MIGA1: variants seen among roughly 807,000 people sequenced by gnomAD.
MIGA1 encodes the protein mitoguardin 1.
MIGA1 carries 58 observed loss-of-function variants against 82.0 expected under a neutral mutation model. The ratio of observed to expected loss-of-function variants is 0.71; its 90% CI spans 0.57 to 0.88. MIGA1 has a LOEUF of 0.88. Among genes scored for constraint, MIGA1 ranks in the 40% least tolerant of loss-of-function variants. The pLI is 0.00. For missense variants in MIGA1, 751 were observed against 749.1 expected, an observed-to-expected ratio of 1.00 and a Z score of -0.03; for synonymous variants, 249 against 253.6, an observed-to-expected ratio of 0.98 and a Z score of 0.17.
intron 4 of MIGA1, among the ~76,000 whole-genome samples, chr1:77,805,237 C>G (rs1302750921): frequency 6.6e-6 from 1 of 151,494 alleles, no homozygotes; most frequent in Non-Finnish European, 1.5e-5. Flanking sequence ...CCTCGTGATT[C>G]ACCTGCCTCA....
intron 7 of MIGA1, among the ~76,000 whole-genome samples, chr1:77,824,462 G>T (rs1280241986): frequency 6.6e-6 from 1 of 152,180 alleles, no homozygotes. Context: ...GGAGGCTGAG[G>T]CAGGAGAATC....
intron 4 of MIGA1, among the ~76,000 whole-genome samples, chr1:77,806,618 A>G (rs763226961): frequency 3.2e-4 from 48 of 152,230 alleles, no homozygotes; most frequent in Non-Finnish European, 6.6e-4. Flanking sequence ...CAGCATTGTA[A>G]AACATTCTAA....
Position 77,863,992 on chromosome 1 carries a change from A to C in MIGA1, c.1473A>C (p.Val491=). The C allele has an allele frequency of 2.5e-6, 4 of 1,608,148 alleles. No homozygotes were observed. The highest frequency in any genetic ancestry group is 3.4e-6 in the Non-Finnish European group (4 of 1,178,770). ...CACCCACATCCATACAGAATGTAGT[A>C]AATAATCGATGGCTAAACTCATCCT... The change falls in exon 13 of 16, where the codon GTA becomes GTC. Residue 491 remains valine, a synonymous_variant. Coordinates refer to ENST00000370791, the MANE Select transcript of MIGA1 (RefSeq NM_198549.4).
chr1:77,788,482 C>T (rs1469312226), intron 2 of MIGA1, among the ~76,000 whole-genome samples: 5 of 152,144 alleles, frequency 3.3e-5, no homozygotes, highest in Non-Finnish European at 5.9e-5. Context: ...TTTTGATGCA[C>T]AAAATTTTAA....
chr1:77,779,820 C>G (rs1371080559), intron 1 of MIGA1, 84 bp downstream of exon 1: 5 of 1,464,186 alleles, frequency 3.4e-6, no homozygotes, highest in Non-Finnish European at 4.5e-6. Context: ...GGGCAGAGGC[C>G]TCGGGGCAGG....
intron 12 of MIGA1, among the ~76,000 whole-genome samples, chr1:77,863,404 A>T (rs1290470058): frequency 6.6e-6 from 1 of 152,224 alleles, no homozygotes; most frequent in Non-Finnish European, 1.5e-5. Flanking sequence ...TGTGCTTCAC[A>T]CAGTTCATAA....
intron 2 of MIGA1, among the ~76,000 whole-genome samples, chr1:77,785,909 G>A (rs1682140859): frequency 6.6e-6 from 1 of 152,204 alleles, no homozygotes; most frequent in African/African-American, 2.4e-5. Context: ...GCACTAGGCG[G>A]TGCCCCAGTA....
At position 77,875,342 on chromosome 1, in the gene MIGA1, T is replaced by C. The variant is rs1270779630; in HGVS notation, c.*278T>C. 6 of 306,576 alleles carry C rather than the reference T, an allele frequency of 2.0e-5. No homozygotes were observed. Among genetic ancestry groups the C allele is most frequent in the Admixed American group, 4.7e-5 (1 of 21,316 alleles). 19.0% of individuals were successfully genotyped at this position (306,576 alleles called of 1,614,324 possible). A position where few individuals can be genotyped will look rare whatever the true frequency, so the allele number is the denominator to read the frequency against. ...GAAATATCGCTTGAATTGAAGCCAATATTTGGGAGTTAATTGGTTTGTCTT... is the reference window on the plus strand; with the variant it reads ...GAAATATCGCTTGAATTGAAGCCAACATTTGGGAGTTAATTGGTTTGTCTT... On this transcript the variant is annotated 3_prime_UTR_variant, in exon 16 of 16. Transcript: ENST00000370791.
chr1:77,863,367 T>C (rs554277844), intron 12 of MIGA1, among the ~76,000 whole-genome samples: 1 of 152,342 alleles, frequency 6.6e-6, no homozygotes, highest in South Asian at 2.1e-4. Context: ...GCCAAAATGA[T>C]ACAGCACACT....
intron 15 of MIGA1, 120 bp downstream of exon 15, chr1:77,873,240 A>C: frequency 1.0e-6 from 1 of 1,001,538 alleles, no homozygotes; most frequent in Non-Finnish European, 1.4e-6. Flanking sequence ...AAAGTTATAA[A>C]AGTCACCTAA....
chr1:77,872,204 A>C (rs1196587391), intron 14 of MIGA1, among the ~76,000 whole-genome samples: 1 of 152,156 alleles, frequency 6.6e-6, no homozygotes, highest in African/African-American at 2.4e-5. Flanking sequence ...CTAAGGGTCA[A>C]GTGATCCACC....
At chr1:77,782,642 C>A (rs551052933) in intron 1 of MIGA1, among the ~76,000 whole-genome samples, 1 of 152,120 alleles carries the variant, frequency 6.6e-6, no homozygotes, top group Non-Finnish European at 1.5e-5. Context: ...TCTGACTTTT[C>A]TTTTTTTGTT....
intron 8 of MIGA1, 55 bp downstream of exon 8, chr1:77,843,462 C>A: frequency 7.6e-7 from 1 of 1,319,814 alleles, no homozygotes. Flanking sequence ...GTGGAAACAA[C>A]AGTCTTGTCA....
chr1:77,781,658 T>C (rs1407277929), intron 1 of MIGA1, among the ~76,000 whole-genome samples: 2 of 152,204 alleles, frequency 1.3e-5, no homozygotes, highest in Non-Finnish European at 2.9e-5. Context: ...TAATCATATG[T>C]CTCTATCACA....
intron 2 of MIGA1, among the ~76,000 whole-genome samples, chr1:77,799,828 G>T (rs1682802328): frequency 1.3e-5 from 2 of 148,474 alleles, no homozygotes; most frequent in Admixed American, 6.7e-5. Flanking sequence ...TAATAAGACT[G>T]GCTAGAGGTT....
At chr1:77,873,632 C>A (rs1646867955) in intron 15 of MIGA1, among the ~76,000 whole-genome samples, 1 of 152,124 alleles carries the variant, frequency 6.6e-6, no homozygotes, top group Non-Finnish European at 1.5e-5. Flanking sequence ...TGCCAAAATA[C>A]AAGTTATAGC....
At chr1:77,801,261 G>A in intron 2 of MIGA1, 70 bp from the exon 3 acceptor site, 2 of 1,123,286 alleles carry the variant, frequency 1.8e-6, no homozygotes, top group Non-Finnish European at 2.5e-6. Flanking sequence ...AGTAAGTTTA[G>A]TTATTAGGTC....
intron 14 of MIGA1, among the ~76,000 whole-genome samples, chr1:77,867,020 G>T (rs766357836): frequency 6.6e-6 from 1 of 151,974 alleles, no homozygotes; most frequent in Non-Finnish European, 1.5e-5. Flanking sequence ...GATTCCCTTC[G>T]TTTAATCCAA....
chr1:77,781,392 T>C (rs1290286757), intron 1 of MIGA1, among the ~76,000 whole-genome samples: 1 of 152,168 alleles, frequency 6.6e-6, no homozygotes, highest in East Asian at 1.9e-4. Context: ...ATCTAATTAG[T>C]AAAAATGTTT....
Sources: gnomAD v4.1 joint callset for allele counts (sites outside exome capture counted in the v4.1 genomes callset) on GRCh38, gnomAD v4.1.1 for gene constraint, MANE v1.5 for transcripts, NCBI Gene and HGNC (gene_info 2026-07-23, HGNC 2026-07-21) for gene names.